Variants in MAF observed in about 807,000 individuals in gnomAD.
The protein encoded by MAF is transcription factor Maf.
In MAF, 10 loss-of-function variants were observed where a neutral mutation model predicts 22.0. That is an observed-to-expected ratio of 0.45 (90% CI 0.28 to 0.77). MAF has a LOEUF of 0.77. Among genes scored for constraint, MAF ranks in the 30% least tolerant of loss-of-function variants. The probability of loss-of-function intolerance (pLI) is 0.12; values close to 1 mark genes in which losing one functional copy is unlikely to be tolerated. For missense variants in MAF, 544 were observed against 548.4 expected (o/e 0.99, Z 0.08); for synonymous variants, 337 against 255.8 (o/e 1.32, Z -3.03).
the MAF span, among the ~76,000 whole-genome samples, chr16:79,371,189 T>C: frequency 1.4e-4 from 21 of 152,078 alleles, no homozygotes; most frequent in Non-Finnish European, 2.5e-4. Context: ...GATGGAATTG[T>C]TGACTGTTGC....
At chr16:79,391,074 A>G in the MAF span, among the ~76,000 whole-genome samples, 1 of 152,124 alleles carries the variant, frequency 6.6e-6, no homozygotes, top group Admixed American at 6.5e-5. Flanking sequence ...TCTGTGGGCT[A>G]ACGAGGTGGA....
At chr16:79,263,420 G>A in the MAF span, among the ~76,000 whole-genome samples, 8 of 152,152 alleles carry the variant, frequency 5.3e-5, no homozygotes, top group Non-Finnish European at 1.0e-4. Context: ...TATTATCTTT[G>A]TTCATGTTCT....
the MAF span, among the ~76,000 whole-genome samples, chr16:79,320,585 A>G: frequency 6.6e-6 from 1 of 152,166 alleles, no homozygotes; most frequent in African/African-American, 2.4e-5. Flanking sequence ...CTCGAGAAGG[A>G]GCCAGTCACC....
the MAF span, among the ~76,000 whole-genome samples, chr16:79,479,915 A>G: frequency 6.6e-6 from 1 of 152,200 alleles, no homozygotes; most frequent in Admixed American, 6.5e-5. Context: ...TTTACAGCCC[A>G]AGTGTCCACA....
the MAF span, among the ~76,000 whole-genome samples, chr16:79,379,021 G>A: frequency 6.6e-6 from 1 of 152,162 alleles, no homozygotes; most frequent in Admixed American, 6.5e-5. Context: ...TTCTGATTTT[G>A]TGCCATCGAA....
intron 1 of MAF, chr16:79,594,782 A>G (rs911575342): frequency 3.0e-6 from 4 of 1,327,416 alleles, no homozygotes; most frequent in Middle Eastern, 2.9e-4. Flanking sequence ...TTATTTCTAA[A>G]AATGCCTTTT....
the MAF span, among the ~76,000 whole-genome samples, chr16:79,346,874 C>T: frequency 1.3e-5 from 2 of 152,170 alleles, no homozygotes; most frequent in African/African-American, 4.8e-5. Flanking sequence ...GCAGATGATG[C>T]TGTTAGCATT....
At chr16:79,242,366 C>CAAAA in the MAF span, among the ~76,000 whole-genome samples, 1 of 97,080 alleles carries the variant, frequency 1.0e-5, no homozygotes, top group Admixed American at 1.1e-4. Context: ...AAATGGGAAG[C>CAAAA]AAAAAAAAAA....
the MAF span, among the ~76,000 whole-genome samples, chr16:79,268,772 T>A: frequency 1.3e-5 from 2 of 152,106 alleles, no homozygotes; most frequent in Non-Finnish European, 2.9e-5. Flanking sequence ...GAGAAAGAAA[T>A]TCTCACTGTG....
chr16:79,225,190 G>A, the MAF span, among the ~76,000 whole-genome samples: 4 of 152,012 alleles, frequency 2.6e-5, no homozygotes, highest in Non-Finnish European at 4.4e-5. Flanking sequence ...CAGAACAAAG[G>A]CCTCAGAAAT....
At chr16:79,344,149 G>A in the MAF span, among the ~76,000 whole-genome samples, 1 of 152,152 alleles carries the variant, frequency 6.6e-6, no homozygotes, top group Non-Finnish European at 1.5e-5. Flanking sequence ...CACCTCCTAA[G>A]CACTCTGCCT....
At chr16:79,256,501 A>G in the MAF span, among the ~76,000 whole-genome samples, 1 of 152,190 alleles carries the variant, frequency 6.6e-6, no homozygotes, top group African/African-American at 2.4e-5. Context: ...TCTCTCTGCT[A>G]TCTTGCACTG....
the MAF span, among the ~76,000 whole-genome samples, chr16:79,399,267 G>A: frequency 2.6e-5 from 4 of 152,322 alleles, no homozygotes; most frequent in African/African-American, 9.6e-5. Flanking sequence ...TGCTAAGGAG[G>A]AGGTGAAAAA....
chr16:79,586,215 T>C (rs938005572), intron 1 of MAF, among the ~76,000 whole-genome samples: 3 of 152,202 alleles, frequency 2.0e-5, no homozygotes, highest in African/African-American at 7.2e-5. Context: ...CATAACCCAC[T>C]GGTTGGCAGC....
At chr16:79,235,814 G>A in the MAF span, among the ~76,000 whole-genome samples, 2 of 152,060 alleles carry the variant, frequency 1.3e-5, no homozygotes, top group South Asian at 4.1e-4. Flanking sequence ...AGCATTAGTA[G>A]CAGTAATGGT....
the MAF span, among the ~76,000 whole-genome samples, chr16:79,381,810 T>G: frequency 9.2e-5 from 14 of 152,198 alleles, no homozygotes; most frequent in African/African-American, 3.4e-4. Context: ...TTGGCCCTGA[T>G]TGGCTTGTTA....
chr16:79,547,336 C>G, the MAF span, among the ~76,000 whole-genome samples: 3 of 151,910 alleles, frequency 2.0e-5, no homozygotes, highest in African/African-American at 7.3e-5. Flanking sequence ...CACATACACA[C>G]ACGTACCCAC....
chr16:79,394,516 T>A, the MAF span, among the ~76,000 whole-genome samples: 2 of 152,190 alleles, frequency 1.3e-5, no homozygotes, highest in African/African-American at 2.4e-5. Context: ...CACAACTAGA[T>A]GGGGCACATA....
chr16:79,507,061 TG>T, the MAF span, among the ~76,000 whole-genome samples: 8 of 152,196 alleles, frequency 5.3e-5, no homozygotes, highest in Admixed American at 2.6e-4. Context: ...GCTGTTTGTG[TG>T]TACCACTAGT....
Sources: gnomAD v4.1 joint callset for allele counts (sites outside exome capture counted in the v4.1 genomes callset) on GRCh38, gnomAD v4.1.1 for gene constraint, MANE v1.5 for transcripts, NCBI Gene and HGNC (gene_info 2026-07-23, HGNC 2026-07-21) for gene names.